PSD2: variants seen among roughly 807,000 people sequenced by gnomAD.
PSD2 encodes the protein PH and SEC7 domain-containing protein 2.
PSD2 carries 38 observed loss-of-function variants against 69.8 expected under a neutral mutation model. The ratio of observed to expected loss-of-function variants is 0.54; its 90% confidence interval spans 0.42 to 0.71. PSD2 has a LOEUF of 0.71. PSD2 is among the 30% of genes least tolerant of loss of function. PSD2 has a pLI of 0.00. For missense variants in PSD2, 943 were observed against 1,014.5 expected, an observed-to-expected ratio of 0.93 and a Z score of 0.96; for synonymous variants, 412 against 423.0, an observed-to-expected ratio of 0.97 and a Z score of 0.32.
At chr5:139,816,622 T>C (rs148832690) in intron 4 of PSD2, among the ~76,000 whole-genome samples, 3 of 152,360 alleles carry the variant, frequency 2.0e-5, no homozygotes, top group Non-Finnish European at 2.9e-5. Flanking sequence ...TGGAAATTTG[T>C]TCTAGTTTTT....
rs369528363 is a variant in PSD2 at position 139,838,614 on chromosome 5, C to A, written c.1824-14C>A. 6 of 1,607,300 alleles carry A rather than the reference C, an allele frequency of 3.7e-6. No individual in the cohort carries two copies. Among genetic ancestry groups the A allele is most frequent in the South Asian group, 1.1e-5 (1 of 90,802 alleles). On this transcript the variant is annotated splice_polypyrimidine_tract_variant and intron_variant, in intron 12 of 14. Transcript: ENST00000274710. ...GTGTGAGAGGCCGGCACCCTCTCCC[C>A]CTCCTGTCCCCAGGAGCAAGGAAGA...
chr5:139,746,021 C>G, the PSD2 span, among the ~76,000 whole-genome samples: 31 of 152,184 alleles, frequency 2.0e-4, no homozygotes, highest in Non-Finnish European at 4.6e-4. The surrounding 1 kb of genome is among the most constrained non-coding windows in gnomAD (Gnocchi z 4.5). Flanking sequence ...GTCTAGGTAT[C>G]AGGGGTGGTG....
chr5:139,743,258 C>A, the PSD2 span, among the ~76,000 whole-genome samples: 1 of 152,212 alleles, frequency 6.6e-6, no homozygotes, highest in Non-Finnish European at 1.5e-5. Flanking sequence ...CTGGAGGGCC[C>A]TCACCCATAG....
At chr5:139,811,952 C>A (rs1384273715) in intron 2 of PSD2, among the ~76,000 whole-genome samples, 1 of 152,142 alleles carries the variant, frequency 6.6e-6, no homozygotes, top group Non-Finnish European at 1.5e-5. Context: ...GTATCCCTTT[C>A]CTCTGTCTCT....
chr5:139,789,784 C>T, the PSD2 span, among the ~76,000 whole-genome samples: 1 of 152,050 alleles, frequency 6.6e-6, no homozygotes, highest in South Asian at 2.1e-4. Flanking sequence ...GGACACAGAC[C>T]ATTCCCAGAA....
chr5:139,782,623 G>T, the PSD2 span, among the ~76,000 whole-genome samples: 1 of 151,628 alleles, frequency 6.6e-6, no homozygotes, highest in African/African-American at 2.4e-5. Context: ...CTCCCAAGTA[G>T]CTGGGACTAC....
At chr5:139,753,557 C>T in the PSD2 span, among the ~76,000 whole-genome samples, 2 of 152,044 alleles carry the variant, frequency 1.3e-5, no homozygotes, top group African/African-American at 2.4e-5. Context: ...ACTTTTGACC[C>T]TAACATGGAC....
the PSD2 span, among the ~76,000 whole-genome samples, chr5:139,754,422 G>T: frequency 6.6e-6 from 1 of 152,106 alleles, no homozygotes; most frequent in Non-Finnish European, 1.5e-5. Flanking sequence ...AATTAGCTGG[G>T]TGTGGTGGCT....
the PSD2 span, among the ~76,000 whole-genome samples, chr5:139,752,798 C>T: frequency 3.7e-4 from 57 of 152,328 alleles, no homozygotes; most frequent in African/African-American, 1.2e-3. Context: ...GCCCGCCAAG[C>T]GCGGAGCTTT....
chr5:139,751,077 CTG>C, the PSD2 span, among the ~76,000 whole-genome samples: 1 of 152,292 alleles, frequency 6.6e-6, no homozygotes, highest in South Asian at 2.1e-4. Flanking sequence ...CTGGATATCA[CTG>C]TGGCTTGGGT....
At chr5:139,746,156 C>T in the PSD2 span, 1 of 152,204 alleles carries the variant, frequency 6.6e-6, no homozygotes, top group African/African-American at 2.4e-5. This position sits in a 1 kb window ranked among gnomAD's most constrained non-coding sequence, Gnocchi z 4.5. Context: ...TATCTAAGCT[C>T]CCCATCTTCC....
chr5:139,766,884 T>TTTCTTTCC, the PSD2 span, among the ~76,000 whole-genome samples: 11 of 149,216 alleles, frequency 7.4e-5, no homozygotes, highest in African/African-American at 2.7e-4. Flanking sequence ...TCTTTCTTTC[T>TTTCTTTCC]TTCCTTCTTT....
In PSD2 at chr5:139,837,714, C is replaced by G; in HGVS notation, c.1755C>G (p.Asp585Glu). Residue 585 changes from aspartate to glutamate, a missense_variant, in exon 12 of 15, where the codon GAC becomes GAG. By Grantham distance (45) the Asp-to-Glu change is conservative (BLOSUM62 2). Around this residue, in one of 3 missense-constraint regions of PSD2, gnomAD observed 312 missense variants for 400.7 expected, o/e 0.78. Transcript: ENST00000274710. The surrounding 1 kb of genome is among the most constrained non-coding windows in gnomAD (Gnocchi z 5.0). Reference protein sequence around the residue: ...VHHALATRASDYSKKSNVLKL... With the variant: ...VHHALATRASEYSKKSNVLKL... ...ACGCTCTGGCCACCAGGGCCTCTGA[C>G]TACAGCAAGAAGTCCAACGTGCTGA... 1 of 1,614,126 alleles carries G rather than the reference C, an allele frequency of 6.2e-7. No individual in the cohort carries two copies. The highest frequency in any genetic ancestry group is 1.1e-5 in the South Asian group (1 of 91,088).
At chr5:139,758,368 T>G in the PSD2 span, among the ~76,000 whole-genome samples, 1 of 152,152 alleles carries the variant, frequency 6.6e-6, no homozygotes, top group Non-Finnish European at 1.5e-5. Flanking sequence ...CCCAGAGGCC[T>G]GAAAGAATAG....
At chr5:139,810,422 G>C (rs1759928560) in intron 2 of PSD2, among the ~76,000 whole-genome samples, 1 of 152,214 alleles carries the variant, frequency 6.6e-6, no homozygotes, top group Admixed American at 6.5e-5. Context: ...AGGGTGGACT[G>C]AGAAAAGAAA....
chr5:139,771,025 A>G, the PSD2 span, among the ~76,000 whole-genome samples: 1 of 152,270 alleles, frequency 6.6e-6, no homozygotes, highest in African/African-American at 2.4e-5. Flanking sequence ...ATGATATTTA[A>G]CAAATACAAA....
intron 7 of PSD2, among the ~76,000 whole-genome samples, chr5:139,832,376 C>T (rs1760617461): frequency 6.6e-6 from 1 of 152,186 alleles, no homozygotes; most frequent in Admixed American, 6.5e-5. Context: ...GATCTTTTCT[C>T]CTGAACTAGT....
chr5:139,812,334 A>G (rs1217706966), intron 2 of PSD2, among the ~76,000 whole-genome samples: 2 of 152,048 alleles, frequency 1.3e-5, no homozygotes, highest in African/African-American at 4.8e-5. Context: ...GGAGGGCTTT[A>G]GCTGGGGAAG....
At chr5:139,794,943 G>T (rs976310179), upstream of PSD2, among the ~76,000 whole-genome samples, 12 of 152,146 alleles carry the variant, frequency 7.9e-5, no homozygotes, top group African/African-American at 2.9e-4. Context: ...GCTGAGGGGG[G>T]CGGCTTCAGG....
Sources: allele counts gnomAD v4.1 joint callset (sites outside exome capture counted in the v4.1 genomes callset), GRCh38; gene constraint gnomAD v4.1.1; regional missense constraint gnomAD v4.1.1; non-coding constraint Gnocchi (gnomAD v3.1); transcripts MANE v1.5; gene names NCBI Gene and HGNC (gene_info 2026-07-23, HGNC 2026-07-21).